Variants in AAAS observed in about 807,000 individuals in gnomAD.
The protein encoded by AAAS is aladin.
Under a neutral mutation model 75.6 loss-of-function variants are expected in AAAS, and 60 were observed. The observed-to-expected ratio is 0.79, with a 90% confidence interval of 0.64 to 0.98. The LOEUF (loss-of-function observed/expected upper bound fraction) is 0.98. Ranked by LOEUF, AAAS falls within the 50% of genes least tolerant of loss-of-function variation. AAAS has a pLI of 0.00. For missense variants in AAAS, 658 were observed against 686.9 expected, an observed-to-expected ratio of 0.96 and a Z score of 0.47; for synonymous variants, 271 against 265.0, an observed-to-expected ratio of 1.02 and a Z score of -0.22.
intron 7 of AAAS, 33 bp from the exon 8 acceptor site, chr12:53,309,754 AGAT>A (rs1944357321): frequency 6.2e-7 from 1 of 1,608,814 alleles, no homozygotes; most frequent in East Asian, 2.2e-5. Context: ...TGGAGTCAGA[AGAT>A]GACAAGAAGC....
In AAAS at chr12:53,307,632, G is replaced by A. The variant is rs886049649; in HGVS notation, c.1498C>T (p.Arg500Trp). The A allele has an allele frequency of 2.4e-5, 38 of 1,614,060 alleles. No homozygotes were observed. Among genetic ancestry groups the A allele is most frequent in the South Asian group, 1.1e-4 (10 of 91,088 alleles). The change falls in exon 16 of 16, where the codon CGG (arginine) becomes TGG (tryptophan). Residue 500 changes from arginine (R) to tryptophan (W), a missense_variant. By Grantham distance (101) the Arg-to-Trp change is moderately radical. Coordinates refer to ENST00000209873, the MANE Select transcript of AAAS (RefSeq NM_015665.6). Reference sequence around the variant, plus strand: ...CCCCCAGCAGGGGGTTCCTGGGCCCGCCCAAGCACTGGGCTAAAACGTGGA... The same window carrying A: ...CCCCCAGCAGGGGGTTCCTGGGCCCACCCAAGCACTGGGCTAAAACGTGGA... ...QFPRFSPVLG[R>W]AQEPPAGGGG... is the part of the protein sequence containing the mutation.
In AAAS at chr12:53,315,775, C is replaced by A. The variant is rs766985003; in HGVS notation, c.259G>T (p.Val87Leu). 1 of 1,613,864 alleles carries A rather than the reference C, an allele frequency of 6.2e-7. No individual in the cohort carries two copies. The highest frequency in any genetic ancestry group is 8.5e-7 in the Non-Finnish European group (1 of 1,179,912). The change falls in exon 3 of 16, where the codon GTG becomes TTG. Residue 87 changes from valine to leucine, a missense_variant. Coordinates refer to ENST00000209873, the MANE Select transcript of AAAS (RefSeq NM_015665.6). Reference protein sequence around the residue: ...WKRCINIWRDVGLFGVLNEIA... With the variant: ...WKRCINIWRDLGLFGVLNEIA... ...TCATTTAGCACCCCAAAAAGGCCCA[C>A]ATCACGCCTGATAAGGGAGGAAAAT...
At chr12:53,310,594 G>A (rs562249994) in intron 7 of AAAS, among the ~76,000 whole-genome samples, 1 of 151,072 alleles carries the variant, frequency 6.6e-6, no homozygotes, top group East Asian at 1.9e-4. Context: ...CATGTGGCTC[G>A]GCCTCCATCA....
At chr12:53,321,277 C>A in intron 1 of AAAS, 66 bp downstream of exon 1, 1 of 1,588,876 alleles carries the variant, frequency 6.3e-7, no homozygotes, top group Non-Finnish European at 8.6e-7. Flanking sequence ...ACACTGCCTC[C>A]TTTCCCCAGT....
chr12:53,312,800 C>T (rs1457372375), intron 7 of AAAS, among the ~76,000 whole-genome samples: 2 of 144,384 alleles, frequency 1.4e-5, no homozygotes, highest in South Asian at 2.2e-4. Flanking sequence ...TATATATATA[C>T]GTGTATATAT....
intron 8 of AAAS, 95 bp from the exon 9 acceptor site, chr12:53,309,376 A>C: frequency 6.3e-7 from 1 of 1,576,070 alleles, no homozygotes; most frequent in African/African-American, 1.3e-5. Context: ...CAGAAACGAG[A>C]GGAAGCGGGA....
intron 2 of AAAS, among the ~76,000 whole-genome samples, chr12:53,318,102 C>T (rs1319507352): frequency 5.3e-5 from 8 of 152,172 alleles, no homozygotes; most frequent in East Asian, 3.9e-4. Context: ...CATCACGGCT[C>T]GCTGCAGCCT....
At chr12:53,321,158 TC>T in intron 1 of AAAS, 184 bp downstream of exon 1, 1 of 874,838 alleles carries the variant, frequency 1.1e-6, no homozygotes, top group Non-Finnish European at 1.7e-6. Context: ...CCTTAACCGT[TC>T]CCCCGTTATA....
rs115240538 is a variant in AAAS at position 53,311,538 on chromosome 12, A to G, written c.690-1817T>C. On this transcript the variant is annotated intron_variant, in intron 7 of 15. Transcript: ENST00000209873. ...GGGCTCACTTGAGCCCAGGTGTTCA[A>G]GGCTGTAGTGTGCAATGATTGAGTC... Among the ~76,000 whole-genome samples, 390 of 152,022 alleles carry G rather than the reference A, an allele frequency of 2.6e-3. 2 individuals carry two copies. Among genetic ancestry groups the G allele is most frequent in the African/African-American group, 9.1e-3 (376 of 41,442 alleles).
In AAAS at chr12:53,315,155, T is replaced by C. The variant is rs1402828069; in HGVS notation, c.400-15A>G. On this transcript the variant is annotated splice_polypyrimidine_tract_variant and intron_variant, in intron 4 of 15. Transcript: ENST00000209873. ...TCGCTCCTGAGCTGTAAGAACAAGA[T>C]AGACACAGGACACACTGGGGCAAAA... 3 of 1,614,104 alleles carry C rather than the reference T, an allele frequency of 1.9e-6. No individual in the cohort carries two copies. The highest frequency in any genetic ancestry group is 2.2e-5 in the South Asian group (2 of 91,082).
At chr12:53,314,990 T>C in intron 5 of AAAS, 104 bp downstream of exon 5, 1 of 1,494,988 alleles carries the variant, frequency 6.7e-7, no homozygotes, top group Non-Finnish European at 9.3e-7. Flanking sequence ...AATGAGAATA[T>C]GGTGAGCAAT....
At chr12:53,309,059 A>C in intron 9 of AAAS, 39 bp from the exon 10 acceptor site, 1 of 1,614,104 alleles carries the variant, frequency 6.2e-7, no homozygotes, top group Non-Finnish European at 8.5e-7. Flanking sequence ...CAGGACCTCT[A>C]AGTTCTAAAA....
At chr12:53,308,387 T>A in intron 12 of AAAS, 38 bp from the exon 13 acceptor site, 1 of 1,614,012 alleles carries the variant, frequency 6.2e-7, no homozygotes, top group Non-Finnish European at 8.5e-7. Flanking sequence ...TTCAGTGTGG[T>A]CCCTCCCACC....
At chr12:53,310,681 A>C (rs1450239156) in intron 7 of AAAS, among the ~76,000 whole-genome samples, 1 of 152,164 alleles carries the variant, frequency 6.6e-6, no homozygotes, top group African/African-American at 2.4e-5. Context: ...CTGGCCTGAC[A>C]GACGAAGGCT....
Position 53,308,541 on chromosome 12 carries a change from A to G in AAAS, c.1088-13T>C, listed in dbSNP as rs759286471. 2 of 1,614,094 alleles carry G rather than the reference A, an allele frequency of 1.2e-6. No individual in the cohort carries two copies. The highest frequency in any genetic ancestry group is 3.3e-5 in the Admixed American group (2 of 60,024). On this transcript the variant is annotated splice_polypyrimidine_tract_variant and intron_variant, in intron 11 of 15. Coordinates refer to ENST00000209873, the MANE Select transcript of AAAS (RefSeq NM_015665.6). ...CCCTTTCCCTCACCTGTGGACAAAT[A>G]AGAGCAGAGAGGTTCTTGCAAGAAA...
intron 4 of AAAS, 84 bp from the exon 5 acceptor site, chr12:53,315,224 C>A (rs1221152434): frequency 2.0e-5 from 32 of 1,597,558 alleles, no homozygotes; most frequent in Non-Finnish European, 2.7e-5. Context: ...CTGGACCACT[C>A]CTACCCTCTG....
At chr12:53,310,048 C>A (rs1944362660) in intron 7 of AAAS, among the ~76,000 whole-genome samples, 1 of 152,198 alleles carries the variant, frequency 6.6e-6, no homozygotes, top group African/African-American at 2.4e-5. Context: ...CGATATCAGG[C>A]CCTACCCCAG....
intron 7 of AAAS, among the ~76,000 whole-genome samples, chr12:53,312,565 CA>C (rs34316735): frequency 1.4e-5 from 2 of 144,476 alleles, no homozygotes; most frequent in African/African-American, 2.5e-5. Context: ...AACTCCTTCT[CA>C]AAAAAAAAAA....
intron 7 of AAAS, among the ~76,000 whole-genome samples, chr12:53,312,161 C>T (rs975624563): frequency 6.1e-5 from 9 of 148,668 alleles, no homozygotes; most frequent in Non-Finnish European, 1.5e-5. Flanking sequence ...TGCAGTGAGC[C>T]GAGATTGCAC....
Sources: gnomAD v4.1 joint callset for allele counts (sites outside exome capture counted in the v4.1 genomes callset) on GRCh38, gnomAD v4.1.1 for gene constraint, MANE v1.5 for transcripts, NCBI Gene and HGNC (gene_info 2026-07-23, HGNC 2026-07-21) for gene names.